MPDZ: variants seen among roughly 807,000 people sequenced by gnomAD.
MPDZ encodes multiple PDZ domain crumbs cell polarity complex component, also known as multiple PDZ domain protein.
Under a neutral mutation model 239.1 loss-of-function variants are expected in MPDZ, and 234 were observed. The ratio of observed to expected loss-of-function variants is 0.98; its 90% CI spans 0.88 to 1.09. The LOEUF (loss-of-function observed/expected upper bound fraction) is 1.09, where lower values mean the gene tolerates loss of function less well. Ranked by LOEUF, MPDZ falls within the 50% of genes least tolerant of loss-of-function variation. The pLI, the probability that MPDZ is intolerant of heterozygous loss-of-function variation, is 0.00. For synonymous variants in MPDZ, 1,048 were observed against 881.3 expected, an observed-to-expected ratio of 1.19 and a Z score of -3.35; for missense variants, 3,175 against 2,510.0, an observed-to-expected ratio of 1.26 and a Z score of -5.66.
Position 13,158,051 on chromosome 9 carries a change from T to C in MPDZ, c.3419A>G (p.Asn1140Ser). The change falls in exon 24 of 47, where the codon AAC (asparagine) becomes AGC (serine). Residue 1140 changes from asparagine (N) to serine (S), a missense_variant. Physicochemically the swap from Asn to Ser is conservative, Grantham distance 46. Coordinates refer to ENST00000319217, the MANE Select transcript of MPDZ (RefSeq NM_001378778.1). Reference sequence around the variant, plus strand: ...CTGATTCCAATTGCTATATGCTGTGTTTTGAAGTTCGCTTTCTTCACCCTC... The same window carrying C: ...CTGATTCCAATTGCTATATGCTGTGCTTTGAAGTTCGCTTTCTTCACCCTC... Reference protein sequence around the residue: ...EGEGEESELQNTAYSNWNQPR... With the variant: ...EGEGEESELQSTAYSNWNQPR... The C allele has an allele frequency of 6.2e-7, 1 of 1,612,852 alleles. No homozygotes were observed. Among genetic ancestry groups the C allele is most frequent in the Non-Finnish European group, 8.5e-7 (1 of 1,179,226 alleles).
chr9:13,279,256 C>CACCCCT (rs1975041805), intron 1 of MPDZ, 144 bp downstream of exon 1: 3 of 115,150 alleles, frequency 2.6e-5, no homozygotes, highest in Non-Finnish European at 5.3e-5. Context: ...CCCCTACCCC[C>CACCCCT]ACCCCCACCC....
chr9:13,237,523 G>A (rs1473506975), intron 3 of MPDZ, among the ~76,000 whole-genome samples: 1 of 143,760 alleles, frequency 7.0e-6, no homozygotes, highest in Non-Finnish European at 1.5e-5. Context: ...TTGTCTCACA[G>A]AAAACACTAA....
At chr9:13,277,010 G>A (rs1974357887) in intron 1 of MPDZ, among the ~76,000 whole-genome samples, 1 of 152,120 alleles carries the variant, frequency 6.6e-6, no homozygotes, top group African/African-American at 2.4e-5. Context: ...TACATATCAA[G>A]GATTTCCAAG....
At chr9:13,163,828 T>C (rs964771029) in intron 22 of MPDZ, among the ~76,000 whole-genome samples, 1 of 152,206 alleles carries the variant, frequency 6.6e-6, no homozygotes, top group African/African-American at 2.4e-5. Flanking sequence ...TAAAAATTTA[T>C]ACCAATGTCA....
intron 1 of MPDZ, among the ~76,000 whole-genome samples, chr9:13,270,118 T>A (rs1433967012): frequency 6.6e-6 from 1 of 152,210 alleles, no homozygotes; most frequent in Admixed American, 6.5e-5. Context: ...AATTAACTCA[T>A]CTACTATTTA....
chr9:13,245,725 C>A (rs1046250515), intron 3 of MPDZ, among the ~76,000 whole-genome samples: 1 of 152,096 alleles, frequency 6.6e-6, no homozygotes, highest in Non-Finnish European at 1.5e-5. Flanking sequence ...TAGTTGGTCT[C>A]GGTCTCAACA....
At chr9:13,133,673 T>A in intron 32 of MPDZ, 151 bp downstream of exon 32, 1 of 501,890 alleles carries the variant, frequency 2.0e-6, no homozygotes, top group Non-Finnish European at 3.5e-6. Context: ...AGCAGATAAG[T>A]TTGAGTGGGC....
intron 18 of MPDZ, among the ~76,000 whole-genome samples, chr9:13,183,845 G>C (rs1953723273): frequency 2.0e-5 from 3 of 151,920 alleles, no homozygotes; most frequent in Admixed American, 2.0e-4. Context: ...CAAAGGGCCT[G>C]GATGAAGTCT....
chr9:13,270,666 T>C (rs546453332), intron 1 of MPDZ, among the ~76,000 whole-genome samples: 1 of 152,230 alleles, frequency 6.6e-6, no homozygotes, highest in East Asian at 1.9e-4. Flanking sequence ...TTAAAATTAA[T>C]TTCACCTACT....
At chr9:13,244,525 C>G (rs1966142637) in intron 3 of MPDZ, among the ~76,000 whole-genome samples, 1 of 152,098 alleles carries the variant, frequency 6.6e-6, no homozygotes, top group Non-Finnish European at 1.5e-5. Context: ...ATCCTTTTAG[C>G]TGGCGTTAGA....
intron 26 of MPDZ, among the ~76,000 whole-genome samples, chr9:13,147,121 G>C (rs371105324): frequency 6.6e-6 from 1 of 151,954 alleles, no homozygotes; most frequent in Non-Finnish European, 1.5e-5. Context: ...AGATGATTAT[G>C]GGATTGCATA....
intron 21 of MPDZ, among the ~76,000 whole-genome samples, chr9:13,173,222 G>A (rs1170240537): frequency 1.3e-5 from 2 of 152,114 alleles, no homozygotes; most frequent in African/African-American, 2.4e-5. Flanking sequence ...CAATGTGAGT[G>A]CACTTAATGC....
chr9:13,107,364 T>C (rs149146113), intron 46 of MPDZ, among the ~76,000 whole-genome samples: 304 of 152,306 alleles, frequency 2.0e-3, no homozygotes, highest in African/African-American at 7.0e-3. Context: ...GGATGGGTTT[T>C]TGGCTGTTCA....
chr9:13,242,071 T>C (rs772076224), intron 3 of MPDZ, among the ~76,000 whole-genome samples: 11 of 152,164 alleles, frequency 7.2e-5, no homozygotes, highest in South Asian at 6.2e-4. Context: ...ATTAGTAAAT[T>C]AGGATGTGAT....
rs76724438 is a variant in MPDZ, at chr9:13,225,465, G to A, written c.184-882C>T. ...CTATCTAGTAGTGTACAGTAATGTC[G>A]TAGGCCTTCACATGCACTCACCACT... is the stretch of plus-strand genomic sequence containing the variant. On this transcript the variant is annotated intron_variant, in intron 3 of 46. Coordinates refer to ENST00000319217, the MANE Select transcript of MPDZ (RefSeq NM_001378778.1). Among the ~76,000 whole-genome samples, 1,402 of 151,858 alleles carry A rather than the reference G, an allele frequency of 9.2e-3. 24 individuals carry two copies. Among genetic ancestry groups the A allele is most frequent in the African/African-American group, 0.032 (1,329 of 41,450 alleles).
At chr9:13,204,337 C>A (rs963370636) in intron 12 of MPDZ, among the ~76,000 whole-genome samples, 16 of 152,086 alleles carry the variant, frequency 1.1e-4, no homozygotes, top group African/African-American at 3.6e-4. Context: ...TCTGTAATCC[C>A]AGCACTTTGG....
intron 25 of MPDZ, among the ~76,000 whole-genome samples, chr9:13,150,009 G>A (rs1305849090): frequency 6.6e-6 from 1 of 151,846 alleles, no homozygotes; most frequent in East Asian, 1.9e-4. Context: ...AAGTTTATCT[G>A]CAATGAAATG....
intron 3 of MPDZ, among the ~76,000 whole-genome samples, chr9:13,238,057 G>A (rs1181740394): frequency 3.3e-5 from 5 of 152,150 alleles, no homozygotes; most frequent in Non-Finnish European, 7.3e-5. Context: ...CAGATAGCGA[G>A]GGTATAGTCC....
rs929491782 is a variant in MPDZ at position 13,144,185 on chromosome 9, T to C, written c.3742-621A>G. On this transcript the variant is annotated intron_variant, in intron 26 of 46. Coordinates refer to ENST00000319217, the MANE Select transcript of MPDZ (RefSeq NM_001378778.1). ...GGTGTTCTCTATTTCTGCCCAGTTT[T>C]TGTGGAGGTAGAAACATGGAGATTC... is the stretch of plus-strand genomic sequence containing the variant. Among the ~76,000 whole-genome samples, 7 of 152,012 alleles carry C rather than the reference T, an allele frequency of 4.6e-5. No homozygotes were observed. In the South Asian group the frequency reaches 1.2e-3, roughly 27 times the overall value.
Sources: gnomAD v4.1 joint callset for allele counts (sites outside exome capture counted in the v4.1 genomes callset) on GRCh38, gnomAD v4.1.1 for gene constraint, MANE v1.5 for transcripts, NCBI Gene and HGNC (gene_info 2026-07-23, HGNC 2026-07-21) for gene names.